Variants in ZNF227 observed in about 807,000 individuals in gnomAD.
ZNF227 encodes zinc finger protein 227.
Under a neutral mutation model 13.2 loss-of-function variants are expected in ZNF227, and 12 were observed. That is an observed-to-expected ratio of 0.91 (90% CI 0.58 to 1.47). The LOEUF is 1.47. ZNF227 is among the 40% of genes most tolerant of loss of function. ZNF227 has a pLI of 0.00. For missense variants in ZNF227, 885 were observed against 967.5 expected, an observed-to-expected ratio of 0.91 and a Z score of 1.13; for synonymous variants, 338 against 326.0, an observed-to-expected ratio of 1.04 and a Z score of -0.40.
upstream of ZNF227, among the ~76,000 whole-genome samples, chr19:44,210,878 G>C (rs1645822102): frequency 6.6e-6 from 1 of 152,172 alleles, no homozygotes; most frequent in South Asian, 2.1e-4. Flanking sequence ...GTAAACTAGA[G>C]GACATTATTT....
chr19:44,210,624 G>A (rs1381930438), upstream of ZNF227, among the ~76,000 whole-genome samples: 1 of 152,126 alleles, frequency 6.6e-6, no homozygotes, highest in African/African-American at 2.4e-5. Context: ...TATGACAGAA[G>A]GAACACCAAA....
upstream of ZNF227, among the ~76,000 whole-genome samples, chr19:44,211,046 T>C (rs1480209969): frequency 1.3e-5 from 2 of 151,900 alleles, no homozygotes; most frequent in Non-Finnish European, 2.9e-5. Context: ...ATACAAAAAT[T>C]AGCTGGGCGT....
chr19:44,233,645 C>T (rs549903066), intron 5 of ZNF227, among the ~76,000 whole-genome samples: 17 of 152,240 alleles, frequency 1.1e-4, no homozygotes, highest in African/African-American at 4.1e-4. Context: ...CCTGTAATCC[C>T]AGCACTCTGG....
intron 2 of ZNF227, among the ~76,000 whole-genome samples, chr19:44,216,786 A>G (rs936080077): frequency 2.6e-5 from 4 of 152,160 alleles, no homozygotes; most frequent in Non-Finnish European, 5.9e-5. Context: ...ATTGACCCAG[A>G]ATGATACGTT....
At chr19:44,221,104 CTG>C (rs1972457721) in intron 3 of ZNF227, among the ~76,000 whole-genome samples, 1 of 151,976 alleles carries the variant, frequency 6.6e-6, no homozygotes, top group South Asian at 2.1e-4. Flanking sequence ...GTGAATAGTG[CTG>C]CAATAAACAT....
At chr19:44,230,926 A>AAAAAAAAAAAAAAAAATATATAT (rs1555792168) in intron 5 of ZNF227, among the ~76,000 whole-genome samples, 2 of 68,114 alleles carry the variant, frequency 2.9e-5, no homozygotes, top group African/African-American at 2.0e-4. Context: ...AAAAAAAAAA[A>AAAAAAAAAAAAAAAAATATATAT]ATATATATAT....
At chr19:44,217,501 CAGAT>C (rs1403966848) in intron 2 of ZNF227, 16 of 609,780 alleles carry the variant, frequency 2.6e-5, no homozygotes, top group Non-Finnish European at 4.0e-5. Flanking sequence ...GAATTAAACC[CAGAT>C]ACTTGACTTG....
rs1360053363 is a variant in ZNF227 at position 44,236,254 on chromosome 19, G to A, written c.1824G>A (p.Gln608=). ...GAGAAAAACCCTATAAATGTGAGCA[G>A]TGTGATAAGAGCTTCAGTCAGGCCA... ...HSGEKPYKCE[Q]CDKSFSQAID... Residue 608 remains glutamine, a synonymous_variant, in exon 6 of 6, where the codon CAG becomes CAA. Transcript: ENST00000313040. 1.2e-6 allele frequency: 2 copies of A among 1,614,124 alleles called. No homozygotes were observed. The highest frequency in any genetic ancestry group is 1.7e-6 in the Non-Finnish European group (2 of 1,180,028).
upstream of ZNF227, among the ~76,000 whole-genome samples, chr19:44,211,152 G>A (rs995421409): frequency 2.0e-5 from 3 of 151,642 alleles, no homozygotes; most frequent in South Asian, 4.2e-4. Context: ...GCAATGAGCC[G>A]AGGTCATGCC....
At chr19:44,233,904 A>T (rs1974131795) in intron 5 of ZNF227, among the ~76,000 whole-genome samples, 1 of 152,120 alleles carries the variant, frequency 6.6e-6, no homozygotes, top group African/African-American at 2.4e-5. Flanking sequence ...TTTAAAAAAA[A>T]AATGGCGTAT....
At chr19:44,225,033 G>GTT (rs1269182018) in intron 3 of ZNF227, among the ~76,000 whole-genome samples, 1 of 151,800 alleles carries the variant, frequency 6.6e-6, no homozygotes, top group Non-Finnish European at 1.5e-5. Context: ...ATGAAGCTTA[G>GTT]TTTGGCTGGA....
chr19:44,228,266 G>C, intron 3 of ZNF227, 180 bp from the exon 4 acceptor site: 1 of 597,514 alleles, frequency 1.7e-6, no homozygotes, highest in Non-Finnish European at 2.8e-6. Flanking sequence ...TAAACTACAG[G>C]CTTTATGGGG....
upstream of ZNF227, among the ~76,000 whole-genome samples, chr19:44,208,957 C>T (rs1024577945): frequency 1.3e-5 from 2 of 152,144 alleles, no homozygotes; most frequent in Non-Finnish European, 2.9e-5. Flanking sequence ...TACCGATAGT[C>T]CCAGCTACTT....
At chr19:44,222,702 T>C (rs1438362877) in intron 3 of ZNF227, among the ~76,000 whole-genome samples, 5 of 149,832 alleles carry the variant, frequency 3.3e-5, no homozygotes, top group Non-Finnish European at 7.5e-5. Flanking sequence ...AATCATGTCA[T>C]CTGCAAACAG....
At chr19:44,230,346 A>T (rs1398897219) in intron 5 of ZNF227, among the ~76,000 whole-genome samples, 1 of 152,114 alleles carries the variant, frequency 6.6e-6, no homozygotes, top group Non-Finnish European at 1.5e-5. Flanking sequence ...ACATGAGATG[A>T]TGTTATTCCT....
intron 4 of ZNF227, chr19:44,228,879 C>T (rs1005668197): frequency 1.5e-5 from 6 of 404,632 alleles, no homozygotes; most frequent in Non-Finnish European, 2.6e-5. Flanking sequence ...TCCAGGAATT[C>T]TGCAAAATCT....
chr19:44,236,624 C>G lies in ZNF227; in HGVS notation c.2194C>G (p.Arg732Gly). 1 of 1,613,868 alleles carries G rather than the reference C, an allele frequency of 6.2e-7. No homozygotes were observed. Among genetic ancestry groups the G allele is most frequent in the South Asian group, 1.1e-5 (1 of 91,056 alleles). ...GGCCTTCAGTCTCCCCTCAAATCTT[C>G]GAGTCCACCTGGGTGTTCACACCAG... is the stretch of plus-strand genomic sequence containing the variant. Reference protein sequence around the residue: ...GKAFSLPSNLRVHLGVHTREK... With the variant: ...GKAFSLPSNLGVHLGVHTREK... Residue 732 changes from arginine to glycine, a missense_variant, in exon 6 of 6, where the codon CGA becomes GGA. Arg to Gly is a moderately radical substitution (Grantham distance 125). Transcript: ENST00000313040.
At chr19:44,212,493 G>A (rs1303923224), upstream of ZNF227, 4 of 151,944 alleles carry the variant, frequency 2.6e-5, no homozygotes, top group African/African-American at 9.7e-5. Flanking sequence ...CAGGAGCGCG[G>A]GCCTTCTGGG....
chr19:44,230,924 AAAATATAT>A (rs1349884456), intron 5 of ZNF227, among the ~76,000 whole-genome samples: 1 of 88,364 alleles, frequency 1.1e-5, no homozygotes, highest in African/African-American at 7.2e-5. Context: ...AAAAAAAAAA[AAAATATAT>A]ATATATATAT....
Sources: allele counts gnomAD v4.1 joint callset (sites outside exome capture counted in the v4.1 genomes callset), GRCh38; gene constraint gnomAD v4.1.1; transcripts MANE v1.5; gene names NCBI Gene and HGNC (gene_info 2026-07-23, HGNC 2026-07-21).